PRKG1: variants seen among roughly 807,000 people sequenced by gnomAD.
The protein encoded by PRKG1 is protein kinase cGMP-dependent 1.
A neutral mutation model predicts 88.1 loss-of-function variants in PRKG1; 35 were observed. That is an observed-to-expected ratio of 0.40 (90% CI 0.30 to 0.53). The LOEUF (loss-of-function observed/expected upper bound fraction) is 0.53, where lower values mean the gene tolerates loss of function less well. Ranked by LOEUF, PRKG1 falls within the 20% of genes least tolerant of loss-of-function variation. The pLI, the probability that PRKG1 is intolerant of heterozygous loss-of-function variation, is 0.59. For synonymous variants in PRKG1, 303 were observed against 292.5 expected, an observed-to-expected ratio of 1.04 and a Z score of -0.37; for missense variants, 540 against 839.8, an observed-to-expected ratio of 0.64 and a Z score of 4.41.
rs538141501 is a variant in PRKG1 at position 51,886,513 on chromosome 10, A to G, written c.699-20994A>G. Among the ~76,000 whole-genome samples the G allele has an allele frequency of 4.2e-4, 64 of 152,290 alleles. 1 individual carries two copies. In the South Asian group the frequency reaches 0.013, roughly 32 times the overall value. Reference sequence around the variant, plus strand: ...CTTGGAGTTTCTTTTCGACCTGCTAATGTTGGATAAACATTTCAGTCATTG... The same window carrying G: ...CTTGGAGTTTCTTTTCGACCTGCTAGTGTTGGATAAACATTTCAGTCATTG... On this transcript the variant is annotated intron_variant, in intron 4 of 17. Transcript: ENST00000373980.
At chr10:51,080,723 T>C (rs1257049476) in intron 1 of PRKG1, among the ~76,000 whole-genome samples, 1 of 152,224 alleles carries the variant, frequency 6.6e-6, no homozygotes, top group African/African-American at 2.4e-5. Context: ...CTAATCTGAA[T>C]TGTTGAGCTG....
At chr10:51,712,791 A>C (rs1033860003) in intron 3 of PRKG1, among the ~76,000 whole-genome samples, 1 of 151,602 alleles carries the variant, frequency 6.6e-6, no homozygotes, top group Non-Finnish European at 1.5e-5. Context: ...GGGTTTCACC[A>C]TGTTAGCCAG....
At chr10:51,102,914 G>A (rs371021837) in intron 1 of PRKG1, among the ~76,000 whole-genome samples, 353 of 152,092 alleles carry the variant, frequency 2.3e-3, no homozygotes, top group African/African-American at 7.8e-3. Flanking sequence ...ACTTTTTAAA[G>A]CAATCATCTA....
chr10:51,931,897 A>G lies in PRKG1; in HGVS notation c.762+24327A>G, dbSNP rs547502869. On this transcript the variant is annotated intron_variant, in intron 5 of 17. Transcript: ENST00000373980. ...GGCACATTTAGAATCCAAATAGTCT[A>G]TTATAGAATTCTGTCTTCAAACTGT... Among the ~76,000 whole-genome samples, 26 of 152,314 alleles carry G rather than the reference A, an allele frequency of 1.7e-4. No individual in the cohort carries two copies. The South Asian group carries it at 5.0e-3, about 29-fold the overall frequency.
At chr10:51,256,401 T>G (rs115260612) in intron 2 of PRKG1, among the ~76,000 whole-genome samples, 1 of 152,170 alleles carries the variant, frequency 6.6e-6, no homozygotes, top group East Asian at 1.9e-4. Flanking sequence ...CCAAGATGAA[T>G]GTACTGTACT....
intron 1 of PRKG1, among the ~76,000 whole-genome samples, chr10:51,034,089 G>A (rs981960254): frequency 2.6e-5 from 4 of 152,130 alleles, no homozygotes; most frequent in African/African-American, 7.2e-5. Context: ...TCAGTGAAAC[G>A]TGTAAGAAAT....
chr10:51,787,432 A>G (rs1468302015), intron 3 of PRKG1, among the ~76,000 whole-genome samples: 2 of 152,106 alleles, frequency 1.3e-5, no homozygotes, highest in African/African-American at 4.8e-5. Flanking sequence ...AATCAATCAT[A>G]CTTAAAGGAG....
At chr10:52,068,060 G>A (rs1428892043) in intron 7 of PRKG1, among the ~76,000 whole-genome samples, 3 of 139,368 alleles carry the variant, frequency 2.2e-5, no homozygotes, top group Admixed American at 7.4e-5. Context: ...AAAATCAGCC[G>A]GGCATGGTGG....
chr10:51,627,563 A>AGG (rs1214378792), intron 3 of PRKG1, among the ~76,000 whole-genome samples: 1 of 152,070 alleles, frequency 6.6e-6, no homozygotes, highest in Non-Finnish European at 1.5e-5. Context: ...ACTAATTATG[A>AGG]GGGGTCTTTG....
chr10:51,687,116 T>C (rs1181064641), intron 3 of PRKG1, among the ~76,000 whole-genome samples: 1 of 152,208 alleles, frequency 6.6e-6, no homozygotes, highest in Non-Finnish European at 1.5e-5. Flanking sequence ...AGAAATGTTT[T>C]GAGTTCACTC....
chr10:52,273,885 C>G (rs1841797369), intron 12 of PRKG1, among the ~76,000 whole-genome samples: 1 of 152,012 alleles, frequency 6.6e-6, no homozygotes, highest in Admixed American at 6.6e-5. Context: ...GATGGGGTCT[C>G]TCTCCTCAGA....
chr10:51,948,722 C>A (rs943672431), intron 5 of PRKG1, among the ~76,000 whole-genome samples: 1 of 152,088 alleles, frequency 6.6e-6, no homozygotes, highest in Admixed American at 6.6e-5. Flanking sequence ...ATCATCACCA[C>A]CACAACCTTT....
intron 2 of PRKG1, among the ~76,000 whole-genome samples, chr10:51,176,619 T>C (rs1305045848): frequency 6.6e-6 from 1 of 152,094 alleles, no homozygotes; most frequent in Non-Finnish European, 1.5e-5. Context: ...AATGAGGAGT[T>C]AATAGAAAGG....
intron 2 of PRKG1, among the ~76,000 whole-genome samples, chr10:51,406,673 T>A (rs1174398011): frequency 6.6e-6 from 1 of 151,986 alleles, no homozygotes; most frequent in African/African-American, 2.4e-5. Context: ...TTTCTATGGC[T>A]GTAGTTCATT....
intron 1 of PRKG1, among the ~76,000 whole-genome samples, chr10:50,998,727 G>A (rs1020955059): frequency 2.7e-5 from 4 of 149,294 alleles, no homozygotes; most frequent in East Asian, 2.0e-4. Context: ...CAGCCTAGGC[G>A]ACAAAATGAC....
chr10:51,138,675 GTTTTT>G (rs71459405), intron 1 of PRKG1, among the ~76,000 whole-genome samples: 10 of 68,530 alleles, frequency 1.5e-4, no homozygotes, highest in East Asian at 4.6e-4. Context: ...ATTGAGTTTT[GTTTTT>G]TTTTTTTTTT....
intron 2 of PRKG1, among the ~76,000 whole-genome samples, chr10:51,237,208 A>G (rs1238489088): frequency 6.6e-6 from 1 of 152,194 alleles, no homozygotes; most frequent in Non-Finnish European, 1.5e-5. Flanking sequence ...GTTTTACCTT[A>G]CCAAAGTATC....
chr10:52,155,258 T>A (rs10824155), intron 8 of PRKG1, among the ~76,000 whole-genome samples: 8,679 of 152,192 alleles, frequency 0.057, 488 homozygotes, highest in East Asian at 0.34. Context: ...TTATACTAGT[T>A]TACCTTCCCA....
At chr10:52,275,629 T>C (rs1291415105) in intron 12 of PRKG1, among the ~76,000 whole-genome samples, 1 of 152,170 alleles carries the variant, frequency 6.6e-6, no homozygotes, top group Non-Finnish European at 1.5e-5. Context: ...TCTCCAGATT[T>C]GTTCTTTTTG....
Sources: gnomAD v4.1 joint callset for allele counts (sites outside exome capture counted in the v4.1 genomes callset) on GRCh38, gnomAD v4.1.1 for gene constraint, MANE v1.5 for transcripts, NCBI Gene and HGNC (gene_info 2026-07-23, HGNC 2026-07-21) for gene names.